The following FAF1 variants were observed in gnomAD, a reference collection of about 807,000 sequenced individuals.
The protein encoded by FAF1 is Fas associated factor 1, also known as FAS-associated factor 1.
Under a neutral mutation model 92.5 loss-of-function variants are expected in FAF1, and 25 were observed. That is an observed-to-expected ratio of 0.27 (90% CI 0.20 to 0.38). The LOEUF is 0.38. Among genes scored for constraint, FAF1 ranks in the 10% least tolerant of loss-of-function variants. The probability of loss-of-function intolerance (pLI) is 1.00; values close to 1 mark genes in which losing one functional copy is unlikely to be tolerated. For synonymous variants in FAF1, 234 were observed against 273.2 expected (o/e 0.86, Z 1.42); for missense variants, 636 against 793.3 (o/e 0.80, Z 2.38).
intron 2 of FAF1, among the ~76,000 whole-genome samples, chr1:50,841,740 A>G (rs540017832): frequency 6.6e-6 from 1 of 152,184 alleles, no homozygotes; most frequent in East Asian, 1.9e-4. Flanking sequence ...AAAAAATAAA[A>G]AGCCAGATAG....
intron 2 of FAF1, among the ~76,000 whole-genome samples, chr1:50,854,058 A>G (rs1644372666): frequency 6.6e-6 from 1 of 152,030 alleles, no homozygotes; most frequent in South Asian, 2.1e-4. Flanking sequence ...CATACTCAAT[A>G]AATTACTAAG....
intron 1 of FAF1, among the ~76,000 whole-genome samples, chr1:50,876,235 A>G (rs1644570549): frequency 6.6e-6 from 1 of 152,196 alleles, no homozygotes; most frequent in Non-Finnish European, 1.5e-5. Flanking sequence ...CATACAGAGA[A>G]AACATTATGG....
rs183954669 is a variant in FAF1 at position 50,887,973 on chromosome 1, T to C, written c.46-29976A>G. On this transcript the variant is annotated intron_variant, in intron 1 of 18. Coordinates refer to ENST00000396153, the MANE Select transcript of FAF1 (RefSeq NM_007051.3). Reference sequence around the variant, plus strand: ...AATCTATGAATTACCTTGGGCAGTATGGCCATTTTCACGATATTGATTCTT... The same window carrying C: ...AATCTATGAATTACCTTGGGCAGTACGGCCATTTTCACGATATTGATTCTT... Among the ~76,000 whole-genome samples, 10 of 152,326 alleles carry C rather than the reference T, an allele frequency of 6.6e-5. No homozygotes were observed. The East Asian group carries it at 1.9e-3, about 29-fold the overall frequency.
chr1:50,479,567 A>C (rs1334056206), intron 17 of FAF1, among the ~76,000 whole-genome samples: 1 of 152,170 alleles, frequency 6.6e-6, no homozygotes, highest in African/African-American at 2.4e-5. Flanking sequence ...TCAGAACTTA[A>C]TGTGATATTT....
chr1:50,660,808 T>TCCTA (rs1655339808), intron 7 of FAF1, among the ~76,000 whole-genome samples: 1 of 152,178 alleles, frequency 6.6e-6, no homozygotes, highest in Admixed American at 6.5e-5. Flanking sequence ...AGATTTCTAA[T>TCCTA]CCTAGTTCTG....
chr1:50,585,897 A>G (rs189592260), intron 9 of FAF1, among the ~76,000 whole-genome samples: 2,066 of 150,698 alleles, frequency 0.014, 45 homozygotes, highest in African/African-American at 0.046. Context: ...AAAAAAAAAA[A>G]AAAAGAAAAA....
At chr1:50,558,310 T>A (rs1403851429) in intron 13 of FAF1, among the ~76,000 whole-genome samples, 1 of 152,198 alleles carries the variant, frequency 6.6e-6, no homozygotes, top group African/African-American at 2.4e-5. Context: ...ATATAAAAAC[T>A]GTATGTTCTA....
At position 50,747,909 on chromosome 1, in the gene FAF1, G is replaced by A. The variant is rs370015986; in HGVS notation, c.368-3134C>T. ...CCTCCTGCGCTGGCAATGTGACGAT[G>A]TCTGCTCCTGCTTTGCCTTCCACCA... On this transcript the variant is annotated intron_variant, in intron 4 of 18. Transcript: ENST00000396153. Among the ~76,000 whole-genome samples, 4 of 152,246 alleles carry A rather than the reference G, an allele frequency of 2.6e-5. No homozygotes were observed. The East Asian group carries it at 7.7e-4, about 29-fold the overall frequency.
At chr1:50,633,553 T>C (rs1443566750) in intron 8 of FAF1, among the ~76,000 whole-genome samples, 2 of 152,172 alleles carry the variant, frequency 1.3e-5, no homozygotes, top group African/African-American at 4.8e-5. Flanking sequence ...CCGCTGAATG[T>C]CACCTGAAAA....
intron 1 of FAF1, among the ~76,000 whole-genome samples, chr1:50,886,577 G>A (rs575657723): frequency 1.3e-5 from 2 of 151,862 alleles, no homozygotes; most frequent in East Asian, 1.9e-4. Context: ...CCCTTCCTGG[G>A]TCCATGTGTT....
At chr1:50,700,761 A>T (rs1320441599) in intron 7 of FAF1, among the ~76,000 whole-genome samples, 1 of 152,076 alleles carries the variant, frequency 6.6e-6, no homozygotes, top group Admixed American at 6.6e-5. Flanking sequence ...AATTCTTAAA[A>T]TGTCATTGCT....
In FAF1 at chr1:50,931,220, A is replaced by G. The variant is rs74082105; in HGVS notation, c.45+28547T>C. Among the ~76,000 whole-genome samples, 1,173 of 152,252 alleles carry G rather than the reference A, an allele frequency of 7.7e-3. 13 individuals are homozygous for G. Among genetic ancestry groups the G allele is most frequent in the African/African-American group, 0.027 (1,133 of 41,552 alleles). On this transcript the variant is annotated intron_variant, in intron 1 of 18. Transcript: ENST00000396153. ...TTACTATCTTGGTTCTCAGTTTACT[A>G]TCTTGGTTCTTTTATTTTGTTTTCA...
chr1:50,615,721 T>C (rs941756100), intron 8 of FAF1, among the ~76,000 whole-genome samples: 5 of 152,190 alleles, frequency 3.3e-5, no homozygotes, highest in Non-Finnish European at 7.4e-5. Context: ...GTTTTCTGCT[T>C]GTTTGTTTCA....
At chr1:50,694,885 C>A (rs1271723112) in intron 7 of FAF1, among the ~76,000 whole-genome samples, 2 of 151,870 alleles carry the variant, frequency 1.3e-5, no homozygotes, top group Non-Finnish European at 2.9e-5. Context: ...CTGCTTGAAC[C>A]CAACAGGTGG....
chr1:50,915,611 G>C (rs1258799731), intron 1 of FAF1, among the ~76,000 whole-genome samples: 2 of 151,974 alleles, frequency 1.3e-5, no homozygotes, highest in Non-Finnish European at 2.9e-5. Context: ...GTAAGGCAGG[G>C]GGCTGAAAAT....
chr1:50,736,567 T>C (rs571278961), intron 6 of FAF1, among the ~76,000 whole-genome samples: 1 of 152,238 alleles, frequency 6.6e-6, no homozygotes, highest in African/African-American at 2.4e-5. Context: ...CTGTCCAACA[T>C]GGTGAAACCC....
intron 8 of FAF1, among the ~76,000 whole-genome samples, chr1:50,652,516 C>A (rs962793560): frequency 2.0e-5 from 3 of 152,182 alleles, no homozygotes; most frequent in Admixed American, 6.5e-5. Flanking sequence ...CTTTTCCAAC[C>A]CTGTGAAGCC....
intron 1 of FAF1, among the ~76,000 whole-genome samples, chr1:50,905,851 T>G (rs1644833405): frequency 6.6e-6 from 1 of 152,244 alleles, no homozygotes; most frequent in East Asian, 1.9e-4. Flanking sequence ...TGATGGCAGT[T>G]TCTTTTGCTG....
At chr1:50,740,083 G>C (rs918284208) in intron 5 of FAF1, among the ~76,000 whole-genome samples, 3 of 152,124 alleles carry the variant, frequency 2.0e-5, no homozygotes, top group African/African-American at 7.2e-5. Context: ...TAGCCACTGA[G>C]AATATAGCAT....
Sources: allele counts gnomAD v4.1 joint callset (sites outside exome capture counted in the v4.1 genomes callset), GRCh38; gene constraint gnomAD v4.1.1; transcripts MANE v1.5; gene names NCBI Gene and HGNC (gene_info 2026-07-23, HGNC 2026-07-21).